Variants in MGAT4C observed in about 807,000 individuals in gnomAD.
MGAT4C encodes MGAT4 family member C, also known as alpha-1,3-mannosyl-glycoprotein 4-beta-N-acetylglucosaminyltransferase C.
Under a neutral mutation model 40.1 loss-of-function variants are expected in MGAT4C, and 19 were observed. The ratio of observed to expected loss-of-function variants is 0.47; its 90% CI spans 0.33 to 0.70. The LOEUF is 0.70. Among genes scored for constraint, MGAT4C ranks in the 30% least tolerant of loss-of-function variants. The pLI, the probability that MGAT4C is intolerant of heterozygous loss-of-function variation, is 0.02. For synonymous variants in MGAT4C, 181 were observed against 187.1 expected (o/e 0.97, Z 0.27); for missense variants, 491 against 563.2 (o/e 0.87, Z 1.30).
intron 3 of MGAT4C, among the ~76,000 whole-genome samples, chr12:86,375,762 G>C (rs1955811703): frequency 6.6e-6 from 1 of 152,008 alleles, no homozygotes; most frequent in African/African-American, 2.4e-5. Flanking sequence ...ACTCAAGATT[G>C]TCATTAACAA....
chr12:85,988,996 A>G (rs1885574189), intron 3 of MGAT4C, among the ~76,000 whole-genome samples: 1 of 152,080 alleles, frequency 6.6e-6, no homozygotes, highest in South Asian at 2.1e-4. Flanking sequence ...TAATTAGACA[A>G]TGGAATTTTG....
At chr12:86,340,432 A>T (rs1282448688) in intron 3 of MGAT4C, among the ~76,000 whole-genome samples, 1 of 152,130 alleles carries the variant, frequency 6.6e-6, no homozygotes, top group Non-Finnish European at 1.5e-5. Flanking sequence ...ATTTAAAATA[A>T]CCAAAGCAGC....
chr12:86,448,468 G>A (rs913296878), intron 2 of MGAT4C, among the ~76,000 whole-genome samples: 2 of 152,022 alleles, frequency 1.3e-5, no homozygotes, highest in African/African-American at 4.8e-5. Flanking sequence ...ATCTTAATAT[G>A]CTTCATTGCA....
chr12:86,351,514 A>G (rs931581786), intron 3 of MGAT4C, among the ~76,000 whole-genome samples: 1 of 152,024 alleles, frequency 6.6e-6, no homozygotes, highest in Non-Finnish European at 1.5e-5. Flanking sequence ...ACATAATCCT[A>G]TTATCCTAAC....
chr12:86,730,865 T>C (rs1950897106), intron 1 of MGAT4C, among the ~76,000 whole-genome samples: 1 of 152,136 alleles, frequency 6.6e-6, no homozygotes, highest in Admixed American at 6.5e-5. Context: ...ACAACTATTG[T>C]TATATAATAG....
chr12:86,705,622 T>C (rs1213902093), intron 2 of MGAT4C, among the ~76,000 whole-genome samples: 2 of 152,092 alleles, frequency 1.3e-5, no homozygotes, highest in African/African-American at 4.8e-5. Context: ...TAAGGATCAG[T>C]GTAAAGTATA....
rs540309796 is a variant in MGAT4C, at chr12:86,676,174, C to G, written c.-229+51035G>C. Among the ~76,000 whole-genome samples the G allele has an allele frequency of 9.9e-4, 150 of 152,126 alleles. 1 individual carries two copies. Among genetic ancestry groups the G allele is most frequent in the African/African-American group, 3.5e-3 (145 of 41,516 alleles). ...TGAGGATTGAGTTTTGTCCTGAAAA[C>G]TCCTCTAGGTGAAAGAGGAAAGAAT... On this transcript the variant is annotated intron_variant, in intron 2 of 7. Coordinates refer to the MGAT4C transcript ENST00000548651.
chr12:86,631,603 C>T lies in MGAT4C; in HGVS notation c.-229+95606G>A, dbSNP rs528852439. On this transcript the variant is annotated intron_variant, in intron 2 of 7. Coordinates refer to the MGAT4C transcript ENST00000548651. ...CAGAGCCCTCAGAAATAACACCACA[C>T]TTCTACAACCATCTGATCTTTGACA... is the stretch of plus-strand genomic sequence containing the variant. 1.3e-3 allele frequency among the ~76,000 whole-genome samples: 201 copies of T among 152,078 alleles called. 2 individuals are homozygous for T. The highest frequency in any genetic ancestry group is 4.6e-3 in the African/African-American group (189 of 41,426).
At chr12:86,796,275 T>C (rs895676582) in intron 1 of MGAT4C, among the ~76,000 whole-genome samples, 96 of 152,098 alleles carry the variant, frequency 6.3e-4, no homozygotes, top group Non-Finnish European at 1.8e-4. Context: ...TTTCCATTTC[T>C]TTACTAATGC....
intron 1 of MGAT4C, among the ~76,000 whole-genome samples, chr12:86,151,449 A>G (rs1884269744): frequency 6.6e-6 from 1 of 152,158 alleles, no homozygotes; most frequent in African/African-American, 2.4e-5. Flanking sequence ...CGTCTCTACT[A>G]AAAATACAAA....
intron 2 of MGAT4C, among the ~76,000 whole-genome samples, chr12:86,528,233 C>T (rs1418163852): frequency 6.6e-6 from 1 of 151,848 alleles, no homozygotes; most frequent in African/African-American, 2.4e-5. Flanking sequence ...AAGATTATTG[C>T]TATGATGTTG....
At chr12:85,995,865 C>G (rs1458198658) in intron 2 of MGAT4C, among the ~76,000 whole-genome samples, 1 of 152,194 alleles carries the variant, frequency 6.6e-6, no homozygotes, top group Non-Finnish European at 1.5e-5. Flanking sequence ...GAATAACACC[C>G]TGTCTCAAAA....
chr12:86,509,867 G>A (rs1565815004), intron 2 of MGAT4C, among the ~76,000 whole-genome samples: 1 of 152,054 alleles, frequency 6.6e-6, no homozygotes, highest in Non-Finnish European at 1.5e-5. Context: ...CTGTTTGTCT[G>A]CTATTGGTGT....
chr12:86,728,820 A>T (rs1386284998), intron 1 of MGAT4C, among the ~76,000 whole-genome samples: 2 of 152,240 alleles, frequency 1.3e-5, no homozygotes, highest in Non-Finnish European at 2.9e-5. Flanking sequence ...ATATGTATAG[A>T]TACCACTACA....
chr12:86,809,331 C>T (rs1016410929), intron 1 of MGAT4C, among the ~76,000 whole-genome samples: 3 of 151,930 alleles, frequency 2.0e-5, no homozygotes, highest in African/African-American at 7.2e-5. Context: ...GAGCTATTTC[C>T]AGTTTGAGCT....
At chr12:86,592,192 G>A (rs553768455) in intron 2 of MGAT4C, among the ~76,000 whole-genome samples, 30 of 152,030 alleles carry the variant, frequency 2.0e-4, no homozygotes, top group Admixed American at 1.1e-3. Context: ...AATCAAGTAT[G>A]GACTTGGCTC....
intron 1 of MGAT4C, among the ~76,000 whole-genome samples, chr12:86,832,021 C>T (rs979687863): frequency 6.6e-6 from 1 of 151,744 alleles, no homozygotes. Context: ...GGGGTGCTGG[C>T]CTACTTTTCA....
rs59869666 is a variant in MGAT4C, at chr12:86,739,133, C to CAAAAAAAAAAAAAA, written c.-261-11906_-261-11893dup. The stretch of plus-strand genomic sequence containing the variant: ...TTTAATTCAGCTATGTTTCCCTGTG[C>CAAAAAAAAAAAAAA]AAAAAAAAAAAAAAAAAAAAAAAAA... On this transcript the variant is annotated intron_variant, in intron 1 of 7. Transcript: ENST00000548651. Among the ~76,000 whole-genome samples, 34 of 39,786 alleles carry CAAAAAAAAAAAAAA rather than the reference C, an allele frequency of 8.5e-4. 4 individuals are homozygous for CAAAAAAAAAAAAAA. Among genetic ancestry groups the CAAAAAAAAAAAAAA allele is most frequent in the Admixed American group, 1.3e-3 (3 of 2,390 alleles). 26.1% of individuals were successfully genotyped at this position (39,786 alleles called of 152,430 possible). A position where few individuals can be genotyped will look rare whatever the true frequency, so the allele number is the denominator to read the frequency against.
At chr12:86,269,025 T>C (rs1395074783) in intron 4 of MGAT4C, among the ~76,000 whole-genome samples, 1 of 59,670 alleles carries the variant, frequency 1.7e-5, no homozygotes, top group African/African-American at 5.5e-5. Context: ...TATATATATA[T>C]ATATATATAT....
Sources: allele counts gnomAD v4.1 joint callset (sites outside exome capture counted in the v4.1 genomes callset), GRCh38; gene constraint gnomAD v4.1.1; transcripts MANE v1.5; gene names NCBI Gene and HGNC (gene_info 2026-07-23, HGNC 2026-07-21).